Variants in LDLRAD2 observed in about 807,000 individuals in gnomAD.
LDLRAD2 encodes low-density lipoprotein receptor class A domain-containing protein 2.
LDLRAD2 carries 25 observed loss-of-function variants against 24.9 expected under a neutral mutation model. The observed-to-expected ratio is 1.00, with a 90% CI of 0.73 to 1.40. The LOEUF (loss-of-function observed/expected upper bound fraction) is 1.40, where lower values mean the gene tolerates loss of function less well. Among genes scored for constraint, LDLRAD2 ranks in the 40% most tolerant of loss-of-function variants. The probability of loss-of-function intolerance (pLI) is 0.00; values close to 1 mark genes in which losing one functional copy is unlikely to be tolerated. For synonymous variants in LDLRAD2, 182 were observed against 166.7 expected (o/e 1.09, Z -0.71); for missense variants, 391 against 366.2 (o/e 1.07, Z -0.55).
chr1:21,813,071 C>T (rs888892870), intron 1 of LDLRAD2, among the ~76,000 whole-genome samples: 1 of 152,106 alleles, frequency 6.6e-6, no homozygotes, highest in African/African-American at 2.4e-5. Flanking sequence ...CCGAGGCGGG[C>T]GGATCATGAG....
At chr1:21,816,109 A>G (rs372070007) in intron 3 of LDLRAD2, 35 bp downstream of exon 3, 119 of 1,603,920 alleles carry the variant, frequency 7.4e-5, no homozygotes, top group Middle Eastern at 5.0e-4. Flanking sequence ...CCTACTGAAC[A>G]GCTGGAGGGA....
chr1:21,819,905 A>G (rs899148913), intron 3 of LDLRAD2, among the ~76,000 whole-genome samples: 2 of 152,214 alleles, frequency 1.3e-5, no homozygotes, highest in Admixed American at 6.5e-5. Context: ...GAAACTTACA[A>G]TCTTGGCAGA....
At chr1:21,819,968 A>T (rs546569560) in intron 3 of LDLRAD2, among the ~76,000 whole-genome samples, 2 of 152,232 alleles carry the variant, frequency 1.3e-5, no homozygotes, top group South Asian at 2.1e-4. Flanking sequence ...GTGAGTGGGG[A>T]GGCACTGCAC....
chr1:21,818,741 G>A (rs2097946889), intron 3 of LDLRAD2, among the ~76,000 whole-genome samples: 1 of 152,136 alleles, frequency 6.6e-6, no homozygotes, highest in Non-Finnish European at 1.5e-5. Context: ...AGTAAATCAG[G>A]TTATGTCACT....
rs758155131 is a variant in LDLRAD2, at chr1:21,815,906, C to T, written c.512-37C>T. 12 of 1,610,658 alleles carry T rather than the reference C, an allele frequency of 7.5e-6. No individual in the cohort carries two copies. In the Admixed American group the frequency reaches 8.4e-5, roughly 11 times the overall value. The stretch of plus-strand genomic sequence containing the variant: ...CATCCTGCTGTGTCGTGGGCTGGAC[C>T]GGAATCCTCACCTCAGGCTTCTGCT... On this transcript the variant is annotated intron_variant, in intron 2 of 4. Transcript: ENST00000344642.
Position 21,823,584 on chromosome 1 carries a change from GC to G in LDLRAD2, c.*1373del. 6.2e-7 allele frequency: 1 copy of G among 1,609,374 alleles called. No homozygotes were observed. Among genetic ancestry groups the G allele is most frequent in the South Asian group, 1.1e-5 (1 of 91,006 alleles). On this transcript the variant is annotated 3_prime_UTR_variant, in exon 5 of 5. Coordinates refer to ENST00000344642, the MANE Select transcript of LDLRAD2 (RefSeq NM_001013693.3). ...CTAGCCCTAAGGGAGTGCCGTTCCTGCCCCTGCCCTGAGAAGGAGCCCCAGA... is the reference window on the plus strand; with the variant it reads ...CTAGCCCTAAGGGAGTGCCGTTCCTGCCCTGCCCTGAGAAGGAGCCCCAGA...
In LDLRAD2 at chr1:21,812,292, G is replaced by A; in HGVS notation, c.-160G>A. On this transcript the variant is annotated 5_prime_UTR_variant, in exon 1 of 5. Transcript: ENST00000344642. ...GAACCAAATGAAGAGGATCTGGAAG[G>A]CAAAGCACTAAGATCATAGTGAAGA... 1.7e-6 allele frequency: 1 copy of A among 593,492 alleles called. No individual in the cohort carries two copies. Among genetic ancestry groups the A allele is most frequent in the Non-Finnish European group, 3.0e-6 (1 of 330,114 alleles). 36.8% of individuals were successfully genotyped at this position (593,492 alleles called of 1,614,324 possible). A position where few individuals can be genotyped will look rare whatever the true frequency, so the allele number is the denominator to read the frequency against.
chr1:21,812,607 CCCCAGTCAGCACTCATCCTG>C lies in LDLRAD2; in HGVS notation c.85+73_85+92del, dbSNP rs1402543334. 6 of 1,286,288 alleles carry C rather than the reference CCCCAGTCAGCACTCATCCTG, an allele frequency of 4.7e-6. No homozygotes were observed. In the Admixed American group the frequency reaches 1.1e-4, roughly 23 times the overall value. 79.7% of individuals were successfully genotyped at this position (1,286,288 alleles called of 1,614,324 possible). ...CCCACCATCCTTAGAGACTATGTTT[CCCCAGTCAGCACTCATCCTG>C]CTGGGCTGAGACCTTTTGAGCTGGG... On this transcript the variant is annotated intron_variant, in intron 1 of 4. Transcript: ENST00000344642.
In LDLRAD2 at chr1:21,823,855, C is replaced by A; in HGVS notation, c.*1640C>A. ...CTGTTTCCCAAGCTCTTTCTTTCCC[C>A]CGCTGAACGAGAGATCGGGCCCCAC... On this transcript the variant is annotated 3_prime_UTR_variant, in exon 5 of 5. Transcript: ENST00000344642. The A allele has an allele frequency of 1.3e-6, 1 of 790,326 alleles. No individual in the cohort carries two copies. The highest frequency in any genetic ancestry group is 2.1e-6 in the Non-Finnish European group (1 of 467,506). 49.0% of individuals were successfully genotyped at this position (790,326 alleles called of 1,614,324 possible).
chr1:21,819,677 TTGA>T (rs1366756245), intron 3 of LDLRAD2, among the ~76,000 whole-genome samples: 5 of 151,102 alleles, frequency 3.3e-5, no homozygotes, highest in Non-Finnish European at 5.9e-5. Context: ...ATTGACGGAG[TTGA>T]TGGAGTTTCC....
rs2097954024 is a variant in LDLRAD2, at chr1:21,822,400, G to GGGT, written c.*189_*191dup. ...TCTTCAGGCTCCTGCAGATGGGGCA[G>GGGT]GGTGGTCATATCCCCCTCCTCTCTC... On this transcript the variant is annotated 3_prime_UTR_variant, in exon 5 of 5. Coordinates refer to ENST00000344642, the MANE Select transcript of LDLRAD2 (RefSeq NM_001013693.3). 2 of 634,554 alleles carry GGGT rather than the reference G, an allele frequency of 3.2e-6. No homozygotes were observed. Among genetic ancestry groups the GGGT allele is most frequent in the Non-Finnish European group, 5.6e-6 (2 of 355,296 alleles). The allele number at this position is 634,554 out of a possible 1,614,324, so 39.3% of individuals were successfully genotyped here.
Position 21,814,629 on chromosome 1 carries a change from C to A in LDLRAD2, c.317C>A (p.Pro106Gln), listed in dbSNP as rs1373232999. ...LNTSSPAPAD[P>Q]CAPGSYLQFY... ...ACCTCCTCCCCGGCCCCGGCCGACC[C>A]GTGCGCCCCCGGCTCCTACCTGCAG... The change falls in exon 2 of 5, where the codon CCG becomes CAG. Residue 106 changes from proline to glutamine, a missense_variant. Pro to Gln is a moderately conservative substitution (Grantham distance 76). Coordinates refer to ENST00000344642, the MANE Select transcript of LDLRAD2 (RefSeq NM_001013693.3). The A allele has an allele frequency of 8.7e-6, 14 of 1,608,058 alleles. No homozygotes were observed. The highest frequency in any genetic ancestry group is 1.2e-5 in the Non-Finnish European group (14 of 1,177,562).
chr1:21,821,003 C>T (rs575686830), intron 3 of LDLRAD2, among the ~76,000 whole-genome samples: 4 of 152,240 alleles, frequency 2.6e-5, no homozygotes, highest in Non-Finnish European at 5.9e-5. Flanking sequence ...TCGAGACCAG[C>T]TTGGGCAACA....
rs551586547 is a variant in LDLRAD2, at chr1:21,818,422, A to G, written c.643+2348A>G. On this transcript the variant is annotated intron_variant, in intron 3 of 4. Coordinates refer to ENST00000344642, the MANE Select transcript of LDLRAD2 (RefSeq NM_001013693.3). ...ATCTTGACAGTTGTGAGTACTGCTC[A>G]GGGATTTTGTAGGATGCCCCACTAT... Among the ~76,000 whole-genome samples the G allele has an allele frequency of 5.9e-5, 9 of 152,346 alleles. No individual in the cohort carries two copies. The South Asian group carries it at 1.9e-3, about 32-fold the overall frequency.
At chr1:21,819,412 ATATG>A (rs2097947759) in intron 3 of LDLRAD2, among the ~76,000 whole-genome samples, 1 of 151,936 alleles carries the variant, frequency 6.6e-6, no homozygotes, top group African/African-American at 2.4e-5. Context: ...TTATATTCTA[ATATG>A]TATATTAGAT....
chr1:21,824,892 C>A lies in LDLRAD2; in HGVS notation c.*2677C>A. The stretch of plus-strand genomic sequence containing the variant: ...ACATGCAGGACTAGGGGGCTCCGAG[C>A]CTGCAGTCCCTGGGGACCCACGGGG... On this transcript the variant is annotated 3_prime_UTR_variant, in exon 5 of 5. Coordinates refer to ENST00000344642, the MANE Select transcript of LDLRAD2 (RefSeq NM_001013693.3). This position sits in a 1 kb window ranked among gnomAD's most constrained non-coding sequence, Gnocchi z 5.9. The A allele has an allele frequency of 1.0e-6, 1 of 984,448 alleles. No homozygotes were observed. 61.0% of individuals were successfully genotyped at this position (984,448 alleles called of 1,614,324 possible).
chr1:21,824,717 C>T lies in LDLRAD2; in HGVS notation c.*2502C>T. On this transcript the variant is annotated 3_prime_UTR_variant, in exon 5 of 5. Transcript: ENST00000344642. The surrounding 1 kb of genome is among the most constrained non-coding windows in gnomAD (Gnocchi z 5.9). Reference sequence around the variant, plus strand: ...TGCCAGTCTCACCTCCTGGAGAAGACATGGCCAGGGAAGGCGAGGAAGCCA... The same window carrying T: ...TGCCAGTCTCACCTCCTGGAGAAGATATGGCCAGGGAAGGCGAGGAAGCCA... 1.2e-6 allele frequency: 2 copies of T among 1,613,738 alleles called. No homozygotes were observed. Among genetic ancestry groups the T allele is most frequent in the Non-Finnish European group, 1.7e-6 (2 of 1,179,878 alleles).
In LDLRAD2 at chr1:21,822,006, C is replaced by G. The variant is rs115019609; in HGVS notation, c.806-196C>G. The G allele has an allele frequency of 5.2e-5, 75 of 1,431,784 alleles. No individual in the cohort carries two copies. The African/African-American group carries it at 9.9e-4, about 19-fold the overall frequency. The allele number at this position is 1,431,784 out of a possible 1,614,324, so 88.7% of individuals were successfully genotyped here. On this transcript the variant is annotated intron_variant, in intron 4 of 4. Transcript: ENST00000344642. ...TGGGAATGATACTAGGCTCTGGGGT[C>G]AGACTCTTTGGGTTCTAACCCCCTG...
chr1:21,814,520 G>C lies in LDLRAD2; in HGVS notation c.208G>C (p.Ala70Pro). ...CACCGACTGCGGGCTCTGGGTGCAG[G>C]CGGCAGCCCCCGGCGACCGGATCCG... Reference protein sequence around the residue: ...PDTDCGLWVQAAAPGDRIRFQ... With the variant: ...PDTDCGLWVQPAAPGDRIRFQ... The change falls in exon 2 of 5, where the codon GCG becomes CCG. Residue 70 changes from alanine (A) to proline (P), a missense_variant. By Grantham distance (27) the Ala-to-Pro change is conservative. Transcript: ENST00000344642. The C allele has an allele frequency of 6.2e-7, 1 of 1,612,662 alleles. No homozygotes were observed. The highest frequency in any genetic ancestry group is 8.5e-7 in the Non-Finnish European group (1 of 1,179,742).
Sources: allele counts gnomAD v4.1 joint callset (sites outside exome capture counted in the v4.1 genomes callset), GRCh38; gene constraint gnomAD v4.1.1; non-coding constraint Gnocchi (gnomAD v3.1); transcripts MANE v1.5; gene names NCBI Gene and HGNC (gene_info 2026-07-23, HGNC 2026-07-21).